The following SOX5 variants were observed in gnomAD, a reference collection of about 807,000 sequenced individuals.
The protein encoded by SOX5 is SRY-box transcription factor 5.
In SOX5, 9 loss-of-function variants were observed where a neutral mutation model predicts 92.0. That is an observed-to-expected ratio of 0.10 (90% CI 0.06 to 0.17). The LOEUF (loss-of-function observed/expected upper bound fraction) is 0.17. Ranked by LOEUF, SOX5 falls within the 10% of genes least tolerant of loss-of-function variation. The pLI is 1.00. For synonymous variants in SOX5, 344 were observed against 336.3 expected, an observed-to-expected ratio of 1.02 and a Z score of -0.25; for missense variants, 642 against 944.5, an observed-to-expected ratio of 0.68 and a Z score of 4.20.
intron 2 of SOX5, among the ~76,000 whole-genome samples, chr12:24,291,604 A>C (rs1256090821): frequency 6.6e-6 from 1 of 152,254 alleles, no homozygotes; most frequent in African/African-American, 2.4e-5. Flanking sequence ...CAAGAAATTC[A>C]AGGAAATCAT....
At chr12:23,746,628 A>G (rs1166238259) in intron 4 of SOX5, among the ~76,000 whole-genome samples, 1 of 152,194 alleles carries the variant, frequency 6.6e-6, no homozygotes, top group Non-Finnish European at 1.5e-5. Flanking sequence ...AACTGCAGGC[A>G]TAGCAGTCAT....
At chr12:23,926,194 G>A (rs1939878011) in intron 1 of SOX5, among the ~76,000 whole-genome samples, 1 of 152,016 alleles carries the variant, frequency 6.6e-6, no homozygotes, top group Non-Finnish European at 1.5e-5. Flanking sequence ...CTTTAAATAG[G>A]TATTTTCAAT....
intron 1 of SOX5, among the ~76,000 whole-genome samples, chr12:24,413,316 C>G (rs1403470151): frequency 2.6e-5 from 4 of 152,164 alleles, no homozygotes; most frequent in Admixed American, 6.5e-5. Flanking sequence ...CTCTCTGTCA[C>G]TAGTAACTTT....
At chr12:24,027,815 A>G (rs188839987) in intron 4 of SOX5, among the ~76,000 whole-genome samples, 1 of 151,892 alleles carries the variant, frequency 6.6e-6, no homozygotes, top group African/African-American at 2.4e-5. Flanking sequence ...CCAAGTCACC[A>G]TCCTCAATCC....
Position 24,216,328 on chromosome 12 carries a change from A to G in SOX5, c.-76-2911T>C, listed in dbSNP as rs578094052. On this transcript the variant is annotated intron_variant, in intron 3 of 4. Coordinates refer to the SOX5 transcript ENST00000446891. ...GAAACCCCGTGTCTACTAAAAATAC[A>G]AAACATTTAGCCGGGCGTGGTGGCG... Among the ~76,000 whole-genome samples, 222 of 152,250 alleles carry G rather than the reference A, an allele frequency of 1.5e-3. 1 individual carries two copies. Among genetic ancestry groups the G allele is most frequent in the African/African-American group, 5.2e-3 (215 of 41,566 alleles).
At chr12:23,673,206 T>C (rs1672109398) in intron 6 of SOX5, among the ~76,000 whole-genome samples, 1 of 152,176 alleles carries the variant, frequency 6.6e-6, no homozygotes, top group African/African-American at 2.4e-5. Context: ...TATTAAAATA[T>C]CTTAGATAAT....
At chr12:24,091,732 T>A (rs1944678952) in intron 4 of SOX5, among the ~76,000 whole-genome samples, 2 of 152,180 alleles carry the variant, frequency 1.3e-5, no homozygotes, top group South Asian at 4.1e-4. Context: ...TAATCTTTTT[T>A]CTTTAAGAGA....
At chr12:23,732,695 C>T (rs2093434993) in intron 6 of SOX5, among the ~76,000 whole-genome samples, 1 of 152,074 alleles carries the variant, frequency 6.6e-6, no homozygotes, top group Non-Finnish European at 1.5e-5. Flanking sequence ...GTTAGGCTGG[C>T]CACCTAACAC....
intron 4 of SOX5, among the ~76,000 whole-genome samples, chr12:24,123,653 A>C (rs1948833327): frequency 6.6e-6 from 1 of 152,254 alleles, no homozygotes; most frequent in South Asian, 2.1e-4. Context: ...TATAAATTAC[A>C]ATAAGATATA....
intron 3 of SOX5, among the ~76,000 whole-genome samples, chr12:23,799,512 C>T (rs916115152): frequency 2.0e-5 from 3 of 151,988 alleles, no homozygotes; most frequent in Non-Finnish European, 4.4e-5. Context: ...CAGTGAAACC[C>T]TCAGCAGTTT....
At chr12:23,564,966 C>T (rs1946822192) in intron 10 of SOX5, among the ~76,000 whole-genome samples, 1 of 152,168 alleles carries the variant, frequency 6.6e-6, no homozygotes, top group Admixed American at 6.5e-5. Flanking sequence ...TGCCTCTTCC[C>T]CTGTTAGTAT....
intron 2 of SOX5, among the ~76,000 whole-genome samples, chr12:24,347,404 G>A (rs1953441222): frequency 6.6e-6 from 1 of 152,144 alleles, no homozygotes; most frequent in Non-Finnish European, 1.5e-5. Flanking sequence ...CTATGGAACA[G>A]CTAAATCAAG....
rs1163938652 is a variant in SOX5, at chr12:23,578,117, C to CAA, written c.1165-2281_1165-2280dup. ...CCTGCGCAACAGAGTGAGACTGTGTCAAAAAAAAAAAAAAAAAAAAAAAAA... is the reference window on the plus strand; with the variant it reads ...CCTGCGCAACAGAGTGAGACTGTGTCAAAAAAAAAAAAAAAAAAAAAAAAAAA... On this transcript the variant is annotated intron_variant, in intron 9 of 14. Transcript: ENST00000451604. 8.9e-4 allele frequency among the ~76,000 whole-genome samples: 31 copies of CAA among 34,896 alleles called. 1 individual carries two copies. Among genetic ancestry groups the CAA allele is most frequent in the African/African-American group, 2.0e-3 (15 of 7,680 alleles). The allele number at this position is 34,896 out of a possible 152,430, so 22.9% of individuals were successfully genotyped here.
intron 9 of SOX5, among the ~76,000 whole-genome samples, chr12:23,600,342 GA>G (rs540604378): frequency 6.6e-6 from 1 of 151,212 alleles, no homozygotes; most frequent in South Asian, 2.1e-4. Flanking sequence ...GTGGGTCAAT[GA>G]AAAAAATAGT....
chr12:24,285,118 G>C (rs1029281138), intron 2 of SOX5, among the ~76,000 whole-genome samples: 1 of 152,104 alleles, frequency 6.6e-6, no homozygotes. Flanking sequence ...GGGCAACAGG[G>C]TGAGTGAGAT....
chr12:23,725,081 A>C (rs921647320), intron 6 of SOX5, among the ~76,000 whole-genome samples: 2 of 152,224 alleles, frequency 1.3e-5, no homozygotes, highest in Admixed American at 1.3e-4. Flanking sequence ...GATGTCTCCT[A>C]GGTATTCGCC....
At chr12:24,483,318 G>A (rs1475866427) in intron 1 of SOX5, among the ~76,000 whole-genome samples, 2 of 152,164 alleles carry the variant, frequency 1.3e-5, no homozygotes, top group Non-Finnish European at 2.9e-5. Flanking sequence ...AATTAACTTA[G>A]CTCTATGGCA....
At chr12:24,392,566 C>A (rs1959102768) in intron 1 of SOX5, among the ~76,000 whole-genome samples, 1 of 152,068 alleles carries the variant, frequency 6.6e-6, no homozygotes, top group Non-Finnish European at 1.5e-5. Flanking sequence ...CAAGAACTTT[C>A]ACTGGTCTCA....
intron 11 of SOX5, among the ~76,000 whole-genome samples, chr12:23,550,051 G>A (rs1354417669): frequency 6.6e-6 from 1 of 151,946 alleles, no homozygotes; most frequent in Admixed American, 6.6e-5. Context: ...GACTTATCCA[G>A]AGACTTGCAT....
Sources: allele counts gnomAD v4.1 joint callset (sites outside exome capture counted in the v4.1 genomes callset), GRCh38; gene constraint gnomAD v4.1.1; transcripts MANE v1.5; gene names NCBI Gene and HGNC (gene_info 2026-07-23, HGNC 2026-07-21).